BTC: variants seen among roughly 807,000 people sequenced by gnomAD.
BTC encodes betacellulin, also known as probetacellulin.
Under a neutral mutation model 18.1 loss-of-function variants are expected in BTC, and 13 were observed. The ratio of observed to expected loss-of-function variants is 0.72; its 90% CI spans 0.47 to 1.14. The LOEUF (loss-of-function observed/expected upper bound fraction) is 1.14. BTC is among the 50% of genes most tolerant of loss of function. BTC has a pLI of 0.00. For synonymous variants in BTC, 83 were observed against 79.4 expected (o/e 1.05, Z -0.24); for missense variants, 247 against 224.2 (o/e 1.10, Z -0.65).
intron 3 of BTC, among the ~76,000 whole-genome samples, chr4:74,755,403 C>G (rs544167762): frequency 5.3e-5 from 8 of 152,326 alleles, no homozygotes; most frequent in Non-Finnish European, 7.4e-5. Flanking sequence ...CTATACTAAA[C>G]AGGCTTCGCT....
At chr4:74,759,539 T>C (rs1421269057) in intron 2 of BTC, among the ~76,000 whole-genome samples, 3 of 151,976 alleles carry the variant, frequency 2.0e-5, no homozygotes, top group Admixed American at 6.6e-5. Flanking sequence ...GACTCTATAT[T>C]CCGAAGATGC....
intron 1 of BTC, among the ~76,000 whole-genome samples, chr4:74,787,654 A>C (rs1725515592): frequency 6.6e-6 from 1 of 152,246 alleles, no homozygotes; most frequent in African/African-American, 2.4e-5. Flanking sequence ...CCTAAGATCA[A>C]TAAGCATAAA....
chr4:74,785,775 T>C (rs1201996879), intron 1 of BTC, among the ~76,000 whole-genome samples: 1 of 152,194 alleles, frequency 6.6e-6, no homozygotes, highest in Non-Finnish European at 1.5e-5. Context: ...AAGAAAAAAC[T>C]ATCACCTCAC....
At chr4:74,784,631 C>A (rs775705267) in intron 1 of BTC, among the ~76,000 whole-genome samples, 1 of 151,982 alleles carries the variant, frequency 6.6e-6, no homozygotes, top group Admixed American at 6.6e-5. Flanking sequence ...GTTTTTAACA[C>A]GAAGGGATGT....
Position 74,748,054 on chromosome 4 carries a change from G to A in BTC, c.524C>T (p.Thr175Ile), listed in dbSNP as rs1724336599. 1 of 1,584,932 alleles carries A rather than the reference G, an allele frequency of 6.3e-7. No individual in the cohort carries two copies. Among genetic ancestry groups the A allele is most frequent in the Non-Finnish European group, 8.6e-7 (1 of 1,158,490 alleles). Reference sequence around the variant, plus strand: ...ATCTCACTTACTTTAAGCAATATTTGTCTCTTCAATATCTTCATTGATAGG... The same window carrying A: ...ATCTCACTTACTTTAAGCAATATTTATCTCTTCAATATCTTCATTGATAGG... ...ITPINEDIEE[T>I]NIA The change falls in exon 5 of 6, where the codon ACA (threonine) becomes ATA (isoleucine). Residue 175 changes from threonine (T) to isoleucine (I), a missense_variant. Thr to Ile is a moderately conservative substitution (Grantham distance 89). Transcript: ENST00000395743.
intron 1 of BTC, among the ~76,000 whole-genome samples, chr4:74,792,256 G>C (rs1390510360): frequency 6.6e-6 from 1 of 152,138 alleles, no homozygotes; most frequent in African/African-American, 2.4e-5. Flanking sequence ...TGTACATTTA[G>C]GTTACCCTGA....
chr4:74,770,220 A>C, intron 1 of BTC, 64 bp from the exon 2 acceptor site: 1 of 1,288,220 alleles, frequency 7.8e-7, no homozygotes, highest in African/African-American at 1.5e-5. Context: ...ACAGTCTATC[A>C]AAGTCATCAC....
rs1028530400 is a variant in BTC, at chr4:74,764,557, A to G, written c.163+5501T>C. ...GACATAAAAAACCACATCTATTTGT[A>G]GTACATAAAAAATTAGAAAACAGAG... On this transcript the variant is annotated intron_variant, in intron 2 of 5. Coordinates refer to ENST00000395743, the MANE Select transcript of BTC (RefSeq NM_001729.4). Among the ~76,000 whole-genome samples, 8 of 152,208 alleles carry G rather than the reference A, an allele frequency of 5.3e-5. No homozygotes were observed. In the East Asian group the frequency reaches 1.5e-3, roughly 29 times the overall value.
At chr4:74,749,865 C>A (rs1328909257) in intron 4 of BTC, among the ~76,000 whole-genome samples, 1 of 140,350 alleles carries the variant, frequency 7.1e-6, no homozygotes, top group Non-Finnish European at 1.5e-5. Context: ...GAGGCTGAGG[C>A]GGGAGGATCA....
chr4:74,768,079 T>A (rs555850010), intron 2 of BTC, among the ~76,000 whole-genome samples: 1 of 151,964 alleles, frequency 6.6e-6, no homozygotes, highest in African/African-American at 2.4e-5. Flanking sequence ...AACAACAGAG[T>A]TTGGGCTGTG....
Position 74,748,388 on chromosome 4 carries a change from T to C in BTC, c.429-239A>G, listed in dbSNP as rs889345039. Reference sequence around the variant, plus strand: ...CGTCTCTACTAAAAATACAAAAAATTGGCCGGACGTGGTGGTGGGCGCCTG... The same window carrying C: ...CGTCTCTACTAAAAATACAAAAAATCGGCCGGACGTGGTGGTGGGCGCCTG... On this transcript the variant is annotated intron_variant, in intron 4 of 5. Coordinates refer to ENST00000395743, the MANE Select transcript of BTC (RefSeq NM_001729.4). Among the ~76,000 whole-genome samples the C allele has an allele frequency of 5.9e-5, 9 of 151,928 alleles. No homozygotes were observed. In the South Asian group the frequency reaches 1.9e-3, roughly 32 times the overall value.
chr4:74,762,794 C>T (rs939612068), intron 2 of BTC, among the ~76,000 whole-genome samples: 1 of 152,126 alleles, frequency 6.6e-6, no homozygotes, highest in African/African-American at 2.4e-5. Flanking sequence ...TAAGGTAATG[C>T]AGTTATTTTA....
At chr4:74,761,331 T>C (rs1724752014) in intron 2 of BTC, among the ~76,000 whole-genome samples, 1 of 152,174 alleles carries the variant, frequency 6.6e-6, no homozygotes, top group South Asian at 2.1e-4. Context: ...CTCGCCTCCC[T>C]GAACCTCTAA....
chr4:74,781,701 CT>C (rs796495859), intron 1 of BTC, among the ~76,000 whole-genome samples: 2 of 150,720 alleles, frequency 1.3e-5, no homozygotes, highest in East Asian at 3.9e-4. Flanking sequence ...TTTTTTTTCA[CT>C]TTTTTTTGTC....
In BTC at chr4:74,794,172, C is replaced by A. The variant is rs1725708590; in HGVS notation, c.64+90G>T. The stretch of plus-strand genomic sequence containing the variant: ...GCCAGCCCCAGCGCGCCCTCTTGTC[C>A]AGATGCCAGCTCGGTTCAGGGTTCG... On this transcript the variant is annotated intron_variant, in intron 1 of 5. Transcript: ENST00000395743. 4 of 1,503,536 alleles carry A rather than the reference C, an allele frequency of 2.7e-6. No individual in the cohort carries two copies. The East Asian group carries it at 7.4e-5, about 28-fold the overall frequency. 93.1% of individuals were successfully genotyped at this position (1,503,536 alleles called of 1,614,324 possible).
At chr4:74,772,530 A>C (rs1725069830) in intron 1 of BTC, among the ~76,000 whole-genome samples, 1 of 152,182 alleles carries the variant, frequency 6.6e-6, no homozygotes, top group Non-Finnish European at 1.5e-5. Context: ...TATATTCAAA[A>C]ATCCCAAGAG....
intron 2 of BTC, among the ~76,000 whole-genome samples, chr4:74,758,142 A>G (rs532659972): frequency 6.6e-6 from 1 of 152,348 alleles, no homozygotes; most frequent in East Asian, 1.9e-4. Context: ...AGTCAAGAAT[A>G]TGCAGGTCTA....
At chr4:74,787,249 A>C (rs962335340) in intron 1 of BTC, among the ~76,000 whole-genome samples, 8 of 152,286 alleles carry the variant, frequency 5.3e-5, no homozygotes, top group African/African-American at 1.9e-4. Context: ...TAAACTTCCC[A>C]TCCCCATTTT....
intron 3 of BTC, 32 bp from the exon 4 acceptor site, chr4:74,750,751 A>G (rs782257160): frequency 6.3e-7 from 1 of 1,595,650 alleles, no homozygotes; most frequent in South Asian, 1.2e-5. Context: ...AGGAAGTAAA[A>G]CTTGCAAGAC....
Sources: gnomAD v4.1 joint callset for allele counts (sites outside exome capture counted in the v4.1 genomes callset) on GRCh38, gnomAD v4.1.1 for gene constraint, MANE v1.5 for transcripts, NCBI Gene and HGNC (gene_info 2026-07-23, HGNC 2026-07-21) for gene names.